COL25A1: variants seen among roughly 807,000 people sequenced by gnomAD.
The protein encoded by COL25A1 is collagen alpha-1(XXV) chain.
Under a neutral mutation model 128.4 loss-of-function variants are expected in COL25A1, and 103 were observed. The observed-to-expected ratio is 0.80, with a 90% CI of 0.68 to 0.94. The LOEUF is 0.94. Among genes scored for constraint, COL25A1 ranks in the 40% least tolerant of loss-of-function variants. The pLI is 0.00. For synonymous variants in COL25A1, 279 were observed against 277.2 expected (o/e 1.01, Z -0.06); for missense variants, 745 against 840.0 (o/e 0.89, Z 1.40).
At chr4:108,961,284 G>C (rs1355701006) in intron 8 of COL25A1, among the ~76,000 whole-genome samples, 2 of 152,128 alleles carry the variant, frequency 1.3e-5, no homozygotes, top group Non-Finnish European at 1.5e-5. Context: ...ACAGAGATGT[G>C]TATATAAAAT....
intron 6 of COL25A1, among the ~76,000 whole-genome samples, chr4:108,997,336 C>T (rs1435639908): frequency 6.6e-6 from 1 of 152,144 alleles, no homozygotes; most frequent in African/African-American, 2.4e-5. Flanking sequence ...TCAGAGAATA[C>T]TATAAACACC....
chr4:109,272,805 A>G (rs1782283311), intron 3 of COL25A1, among the ~76,000 whole-genome samples: 1 of 152,148 alleles, frequency 6.6e-6, no homozygotes, highest in Admixed American at 6.6e-5. Flanking sequence ...GTAGGCATTT[A>G]CCAGGCAGAG....
chr4:109,176,902 TCTCCC>T (rs1774158420), intron 3 of COL25A1, among the ~76,000 whole-genome samples: 3 of 152,050 alleles, frequency 2.0e-5, no homozygotes, highest in African/African-American at 7.2e-5. Flanking sequence ...CAAGGCCAGA[TCTCCC>T]CTAGAGTTCA....
intron 10 of COL25A1, among the ~76,000 whole-genome samples, chr4:108,938,343 A>G (rs1747681332): frequency 6.6e-6 from 1 of 152,244 alleles, no homozygotes. Flanking sequence ...TTGGCTAAAA[A>G]TATTTTTGTC....
chr4:109,117,087 T>C (rs918071718), intron 3 of COL25A1, among the ~76,000 whole-genome samples: 11 of 150,928 alleles, frequency 7.3e-5, no homozygotes, highest in African/African-American at 2.7e-4. Flanking sequence ...AAAACAGAAG[T>C]AATATTTGTA....
intron 37 of COL25A1, among the ~76,000 whole-genome samples, chr4:108,815,208 GTAAT>G (rs1731137799): frequency 6.6e-6 from 1 of 151,984 alleles, no homozygotes; most frequent in Non-Finnish European, 1.5e-5. Context: ...AGAGGAGTTG[GTAAT>G]TAATCAGTGA....
intron 26 of COL25A1, 136 bp downstream of exon 26, chr4:108,852,100 C>A: frequency 1.6e-6 from 1 of 621,572 alleles, no homozygotes; most frequent in Non-Finnish European, 2.7e-6. Context: ...AATTTCTTTT[C>A]TTCGCTCTCT....
At chr4:109,229,372 C>T (rs1779018492) in intron 3 of COL25A1, among the ~76,000 whole-genome samples, 2 of 152,300 alleles carry the variant, frequency 1.3e-5, no homozygotes, top group Middle Eastern at 3.4e-3. Flanking sequence ...ACAACATTTT[C>T]GGCAACCATT....
At chr4:108,882,842 C>T (rs1330245980) in intron 19 of COL25A1, among the ~76,000 whole-genome samples, 2 of 151,990 alleles carry the variant, frequency 1.3e-5, no homozygotes, top group African/African-American at 4.8e-5. Flanking sequence ...TGCTGAATGC[C>T]AACCAAGAAG....
At chr4:109,096,625 TTAAG>T (rs1340323864) in intron 3 of COL25A1, among the ~76,000 whole-genome samples, 1 of 152,246 alleles carries the variant, frequency 6.6e-6, no homozygotes, top group Admixed American at 6.5e-5. Context: ...ATCCCCATCA[TTAAG>T]TGACTCATAA....
chr4:109,215,960 T>C (rs535457218), intron 3 of COL25A1, among the ~76,000 whole-genome samples: 29 of 152,234 alleles, frequency 1.9e-4, no homozygotes, highest in African/African-American at 7.0e-4. Context: ...TGGGTTCAGA[T>C]AGGTATGTGT....
chr4:108,830,389 G>A (rs1388335057), intron 32 of COL25A1, among the ~76,000 whole-genome samples: 2 of 152,060 alleles, frequency 1.3e-5, no homozygotes, highest in Admixed American at 6.6e-5. Context: ...ATTTCATTCG[G>A]GTTCTTTAAT....
At chr4:109,057,548 CTGGGATTATAGGCATGAGCCACTGTG>C (rs1761569347) in intron 3 of COL25A1, among the ~76,000 whole-genome samples, 1 of 144,820 alleles carries the variant, frequency 6.9e-6, no homozygotes, top group Admixed American at 7.3e-5. Context: ...TCCCAAAGTG[CTGGGATTATAGGCATGAGCCACTGTG>C]CCTGGCCTCA....
chr4:109,221,951 T>C (rs1578478925), intron 3 of COL25A1, among the ~76,000 whole-genome samples: 1 of 151,758 alleles, frequency 6.6e-6, no homozygotes, highest in East Asian at 1.9e-4. Context: ...AAGAATAAAG[T>C]GGTCACAAGT....
intron 6 of COL25A1, among the ~76,000 whole-genome samples, chr4:108,977,161 T>C (rs1752517024): frequency 6.6e-6 from 1 of 152,106 alleles, no homozygotes; most frequent in Non-Finnish European, 1.5e-5. Context: ...GCCTCCCTAG[T>C]GCATTTTCCA....
intron 11 of COL25A1, among the ~76,000 whole-genome samples, chr4:108,925,343 T>G (rs1745921471): frequency 6.6e-6 from 1 of 150,728 alleles, no homozygotes; most frequent in South Asian, 2.1e-4. Context: ...TAGTTTAAAT[T>G]GTGTGTGTGG....
chr4:108,864,303 T>C (rs1462017924), intron 20 of COL25A1, among the ~76,000 whole-genome samples: 1 of 152,202 alleles, frequency 6.6e-6, no homozygotes, highest in Non-Finnish European at 1.5e-5. Flanking sequence ...TTTTAAGCAC[T>C]GCTGGCAAGA....
Position 108,882,519 on chromosome 4 carries a change from A to C in COL25A1, c.1020+1659T>G, listed in dbSNP as rs116248959. 2.3e-3 allele frequency among the ~76,000 whole-genome samples: 350 copies of C among 152,302 alleles called. 2 individuals are homozygous for C. Among genetic ancestry groups the C allele is most frequent in the African/African-American group, 8.1e-3 (336 of 41,564 alleles). On this transcript the variant is annotated intron_variant, in intron 19 of 37. Transcript: ENST00000399132. ...GATTAATGCTGAGTATCACTTTCTTATCACTTTAAATAAATAGTTTTTAAA... is the reference window on the plus strand; with the variant it reads ...GATTAATGCTGAGTATCACTTTCTTCTCACTTTAAATAAATAGTTTTTAAA...
At chr4:109,046,599 C>T (rs1482182784) in intron 5 of COL25A1, among the ~76,000 whole-genome samples, 2 of 152,160 alleles carry the variant, frequency 1.3e-5, no homozygotes, top group East Asian at 3.8e-4. Context: ...ACTCCTAGAC[C>T]TAAGGCATGC....
Sources: allele counts gnomAD v4.1 joint callset (sites outside exome capture counted in the v4.1 genomes callset), GRCh38; gene constraint gnomAD v4.1.1; transcripts MANE v1.5; gene names NCBI Gene and HGNC (gene_info 2026-07-23, HGNC 2026-07-21).